The following NLGN1 variants were observed in gnomAD, a reference collection of about 807,000 sequenced individuals.
NLGN1 encodes neuroligin-1.
Under a neutral mutation model 65.5 loss-of-function variants are expected in NLGN1, and 12 were observed. That is an observed-to-expected ratio of 0.18 (90% CI 0.12 to 0.30). The LOEUF (loss-of-function observed/expected upper bound fraction) is 0.30, where lower values mean the gene tolerates loss of function less well. NLGN1 is among the 10% of genes least tolerant of loss of function. The pLI is 1.00. For missense variants in NLGN1, 750 were observed against 1,007.1 expected (o/e 0.74, Z 3.46); for synonymous variants, 350 against 359.5 (o/e 0.97, Z 0.30).
At chr3:174,087,081 G>A (rs544890899) in intron 4 of NLGN1, among the ~76,000 whole-genome samples, 152 of 152,228 alleles carry the variant, frequency 1.0e-3, no homozygotes, top group African/African-American at 3.6e-3. Context: ...GAGAACACAT[G>A]GACACATAGA....
At chr3:173,885,908 A>T (rs1158888585) in intron 4 of NLGN1, among the ~76,000 whole-genome samples, 2 of 152,164 alleles carry the variant, frequency 1.3e-5, no homozygotes, top group Non-Finnish European at 2.9e-5. Context: ...AGTGATCATT[A>T]TGAAAAACAC....
intron 2 of NLGN1, among the ~76,000 whole-genome samples, chr3:173,473,285 T>C (rs200244537): frequency 6.6e-5 from 10 of 152,318 alleles, no homozygotes; most frequent in South Asian, 6.2e-4. Context: ...GTTGAGAATA[T>C]GAACTGTCTC....
intron 4 of NLGN1, among the ~76,000 whole-genome samples, chr3:174,107,925 A>G (rs1268686607): frequency 6.6e-6 from 1 of 152,108 alleles, no homozygotes; most frequent in Non-Finnish European, 1.5e-5. Flanking sequence ...CTATCAACAT[A>G]TCCTATTCAA....
At chr3:173,860,269 A>G (rs900221783) in intron 4 of NLGN1, among the ~76,000 whole-genome samples, 2 of 152,016 alleles carry the variant, frequency 1.3e-5, no homozygotes, top group African/African-American at 2.4e-5. Context: ...ATTGTTGTTC[A>G]GTTCTAGGCA....
chr3:174,145,387 C>T (rs1254494808), intron 4 of NLGN1, among the ~76,000 whole-genome samples: 3 of 151,968 alleles, frequency 2.0e-5, no homozygotes, highest in Non-Finnish European at 2.9e-5. Context: ...GTGGCGCGCA[C>T]CTGTAGTTCC....
intron 2 of NLGN1, among the ~76,000 whole-genome samples, chr3:173,452,680 T>A (rs1721818927): frequency 6.6e-6 from 1 of 152,160 alleles, no homozygotes; most frequent in Non-Finnish European, 1.5e-5. Flanking sequence ...AATGCATTAG[T>A]CAAGGTTATC....
At chr3:173,826,276 TC>T (rs1387035741) in intron 4 of NLGN1, among the ~76,000 whole-genome samples, 1 of 152,074 alleles carries the variant, frequency 6.6e-6, no homozygotes, top group African/African-American at 2.4e-5. Flanking sequence ...TAATCTTGTA[TC>T]TCTGCCATCT....
At chr3:174,197,506 G>C (rs141203257) in intron 4 of NLGN1, among the ~76,000 whole-genome samples, 1 of 115,760 alleles carries the variant, frequency 8.6e-6, no homozygotes, top group East Asian at 2.2e-4. Context: ...CTTGAGCTAC[G>C]GTACTTAACC....
At position 174,276,576 on chromosome 3, in the gene NLGN1, G is replaced by A. The variant is rs566119566; in HGVS notation, c.859+1049G>A. 3.3e-5 allele frequency among the ~76,000 whole-genome samples: 5 copies of A among 151,978 alleles called. No homozygotes were observed. The South Asian group carries it at 8.3e-4, about 25-fold the overall frequency. On this transcript the variant is annotated intron_variant, in intron 5 of 6. Transcript: ENST00000457714. ...TGTAAGGTTGAGTTTTGTGATAGGA[G>A]CACCAAACATATGGTATTTGTTTTC...
At chr3:173,705,679 CT>C (rs891431841) in intron 3 of NLGN1, among the ~76,000 whole-genome samples, 9 of 151,984 alleles carry the variant, frequency 5.9e-5, no homozygotes, top group African/African-American at 2.2e-4. Flanking sequence ...AATAATTTAA[CT>C]TTTTTGTCAT....
intron 4 of NLGN1, among the ~76,000 whole-genome samples, chr3:173,908,617 T>G (rs894166382): frequency 6.6e-6 from 1 of 152,172 alleles, no homozygotes; most frequent in Non-Finnish European, 1.5e-5. Flanking sequence ...AGTGCAGAGC[T>G]GACTATGAAA....
chr3:174,166,839 A>T (rs1727586313), intron 4 of NLGN1, among the ~76,000 whole-genome samples: 1 of 152,000 alleles, frequency 6.6e-6, no homozygotes, highest in Non-Finnish European at 1.5e-5. Flanking sequence ...GTCTATAAGT[A>T]CTTTTTTATG....
chr3:173,869,929 T>C (rs1403709360), intron 4 of NLGN1, among the ~76,000 whole-genome samples: 1 of 152,150 alleles, frequency 6.6e-6, no homozygotes, highest in Non-Finnish European at 1.5e-5. Context: ...TTCAGATAAA[T>C]TGAGCACACA....
At chr3:174,177,276 C>T (rs1729628332) in intron 4 of NLGN1, among the ~76,000 whole-genome samples, 1 of 151,964 alleles carries the variant, frequency 6.6e-6, no homozygotes, top group South Asian at 2.1e-4. Context: ...GGTACTTTTT[C>T]TCTTCTTTCT....
At chr3:173,958,867 G>T (rs1712811056) in intron 4 of NLGN1, among the ~76,000 whole-genome samples, 1 of 152,208 alleles carries the variant, frequency 6.6e-6, no homozygotes, top group Non-Finnish European at 1.5e-5. Context: ...GGTGCCCAAA[G>T]TCTGGAGGGG....
intron 4 of NLGN1, among the ~76,000 whole-genome samples, chr3:174,233,953 C>A (rs1690428073): frequency 6.6e-6 from 1 of 152,136 alleles, no homozygotes; most frequent in Non-Finnish European, 1.5e-5. Flanking sequence ...TATATGTTGA[C>A]ATACAGTTTC....
At chr3:173,569,629 A>G (rs1275448839) in intron 2 of NLGN1, among the ~76,000 whole-genome samples, 1 of 95,754 alleles carries the variant, frequency 1.0e-5, no homozygotes, top group Non-Finnish European at 2.3e-5. Flanking sequence ...TTTTAATGCT[A>G]TTTGTTTTTC....
At chr3:173,859,261 T>G (rs1377884668) in intron 4 of NLGN1, among the ~76,000 whole-genome samples, 1 of 152,248 alleles carries the variant, frequency 6.6e-6, no homozygotes, top group Admixed American at 6.5e-5. Context: ...CTATGAAAAC[T>G]ATATCATGGT....
chr3:173,446,539 T>G (rs567387790), intron 2 of NLGN1, among the ~76,000 whole-genome samples: 50 of 152,328 alleles, frequency 3.3e-4, no homozygotes, highest in Non-Finnish European at 6.2e-4. Flanking sequence ...TGTGCATGTG[T>G]CTTTATAGCA....
Sources: allele counts gnomAD v4.1 joint callset (sites outside exome capture counted in the v4.1 genomes callset), GRCh38; gene constraint gnomAD v4.1.1; transcripts MANE v1.5; gene names NCBI Gene and HGNC (gene_info 2026-07-23, HGNC 2026-07-21).